TBC1D12: variants seen among roughly 807,000 people sequenced by gnomAD.
TBC1D12 encodes the protein TBC1 domain family, member 12.
TBC1D12 carries 56 observed loss-of-function variants against 86.7 expected under a neutral mutation model. The observed-to-expected ratio is 0.65, with a 90% CI of 0.52 to 0.81. TBC1D12 has a LOEUF of 0.81. Ranked by LOEUF, TBC1D12 falls within the 30% of genes least tolerant of loss-of-function variation. TBC1D12 has a pLI of 0.00. For synonymous variants in TBC1D12, 421 were observed against 411.7 expected, an observed-to-expected ratio of 1.02 and a Z score of -0.27; for missense variants, 1,023 against 1,038.8, an observed-to-expected ratio of 0.98 and a Z score of 0.21.
intron 9 of TBC1D12, among the ~76,000 whole-genome samples, chr10:94,520,201 A>G (rs1397400696): frequency 1.3e-5 from 2 of 152,212 alleles, no homozygotes; most frequent in Non-Finnish European, 2.9e-5. Flanking sequence ...GGCAAGAGAA[A>G]TCTCAAAATA....
At chr10:94,508,696 T>C (rs1258464817) in intron 7 of TBC1D12, 1 of 152,162 alleles carries the variant, frequency 6.6e-6, no homozygotes, top group Non-Finnish European at 1.5e-5. Context: ...ATTTTCTTTT[T>C]AAAATTTATT....
chr10:94,529,811 A>T (rs561035683), intron 11 of TBC1D12, among the ~76,000 whole-genome samples: 8 of 152,140 alleles, frequency 5.3e-5, no homozygotes, highest in Non-Finnish European at 8.8e-5. Context: ...AGCATGGGGG[A>T]TAGCAGGATC....
At chr10:94,477,721 C>G (rs892790593) in intron 3 of TBC1D12, among the ~76,000 whole-genome samples, 3 of 152,102 alleles carry the variant, frequency 2.0e-5, no homozygotes, top group Non-Finnish European at 4.4e-5. Context: ...GCCACTACTT[C>G]GACTATGAGG....
intron 2 of TBC1D12, among the ~76,000 whole-genome samples, chr10:94,454,347 G>C (rs528572403): frequency 8.9e-4 from 136 of 152,254 alleles, no homozygotes; most frequent in African/African-American, 2.6e-3. Context: ...GAGTAGCTGG[G>C]ATTATAGGCA....
At chr10:94,530,344 T>A (rs1436260389) in intron 11 of TBC1D12, among the ~76,000 whole-genome samples, 1 of 152,034 alleles carries the variant, frequency 6.6e-6, no homozygotes, top group Non-Finnish European at 1.5e-5. Context: ...AAGGTATACA[T>A]GCTTCAAAAG....
intron 4 of TBC1D12, 24 bp from the exon 5 acceptor site, chr10:94,497,031 A>G: frequency 7.0e-7 from 1 of 1,434,176 alleles, no homozygotes; most frequent in Middle Eastern, 1.9e-4. Flanking sequence ...TTGTATTGAA[A>G]TAATTTTTAC....
Position 94,534,681 on chromosome 10 carries a change from T to G in TBC1D12, c.*1585T>G, listed in dbSNP as rs184901463. On this transcript the variant is annotated 3_prime_UTR_variant, in exon 13 of 13. Coordinates refer to ENST00000225235, the MANE Select transcript of TBC1D12 (RefSeq NM_015188.2). Reference sequence around the variant, plus strand: ...GATATGAACTTAAATTAAATTGACTTATGAATGCTTTGCCTGTGGGCCCAA... The same window carrying G: ...GATATGAACTTAAATTAAATTGACTGATGAATGCTTTGCCTGTGGGCCCAA... 1 of 152,302 alleles carries G rather than the reference T, an allele frequency of 6.6e-6. No individual in the cohort carries two copies. Among genetic ancestry groups the G allele is most frequent in the East Asian group, 1.9e-4 (1 of 5,186 alleles). 9.4% of individuals were successfully genotyped at this position (152,302 alleles called of 1,614,324 possible).
intron 3 of TBC1D12, among the ~76,000 whole-genome samples, chr10:94,476,846 A>G (rs1324712774): frequency 6.6e-6 from 1 of 152,114 alleles, no homozygotes; most frequent in Non-Finnish European, 1.5e-5. Flanking sequence ...CTCTCTTGGA[A>G]GGCTTTTATC....
intron 11 of TBC1D12, 51 bp from the exon 12 acceptor site, chr10:94,531,151 A>G (rs1212085032): frequency 6.4e-7 from 1 of 1,573,854 alleles, no homozygotes; most frequent in Non-Finnish European, 8.6e-7. Context: ...TACTGAGTAA[A>G]TGAGTCAATG....
At chr10:94,409,209 C>T (rs1003449644) in intron 1 of TBC1D12, among the ~76,000 whole-genome samples, 12 of 152,040 alleles carry the variant, frequency 7.9e-5, no homozygotes, top group Middle Eastern at 3.2e-3. Flanking sequence ...AGCATTGGTT[C>T]AGGACTTCAA....
chr10:94,428,282 CTTTTT>C (rs894535771), intron 1 of TBC1D12, among the ~76,000 whole-genome samples: 9 of 99,924 alleles, frequency 9.0e-5, no homozygotes, highest in African/African-American at 3.0e-4. Flanking sequence ...TTTGGAACTT[CTTTTT>C]TTTTTTTTTT....
intron 2 of TBC1D12, among the ~76,000 whole-genome samples, chr10:94,451,193 A>G (rs1377193971): frequency 6.6e-6 from 1 of 152,246 alleles, no homozygotes. Context: ...AATATTCCCA[A>G]CACAAAGAAA....
In TBC1D12 at chr10:94,522,467, TACGTA is replaced by T; in HGVS notation, c.2000+16_2000+20del. 1.0e-6 allele frequency: 1 copy of T among 999,416 alleles called. No individual in the cohort carries two copies. Among genetic ancestry groups the T allele is most frequent in the Non-Finnish European group, 1.5e-6 (1 of 682,818 alleles). 61.9% of individuals were successfully genotyped at this position (999,416 alleles called of 1,614,324 possible). A position where few individuals can be genotyped will look rare whatever the true frequency, so the allele number is the denominator to read the frequency against. ...CTTGATAGACTGGTAAGTCATAACA[TACGTA>T]ATATATAATAATGAAAAGGAAATAA... On this transcript the variant is annotated intron_variant, in intron 11 of 12. Coordinates refer to ENST00000225235, the MANE Select transcript of TBC1D12 (RefSeq NM_015188.2).
intron 1 of TBC1D12, among the ~76,000 whole-genome samples, chr10:94,414,600 C>CT (rs71031575): frequency 0.64 from 86,586 of 134,918 alleles, 28,233 homozygotes; most frequent in East Asian, 0.82. Context: ...TACTGTGAAA[C>CT]TTTTTTTTTT....
At chr10:94,507,689 C>T (rs1429614287) in intron 7 of TBC1D12, among the ~76,000 whole-genome samples, 1 of 151,818 alleles carries the variant, frequency 6.6e-6, no homozygotes. Flanking sequence ...AATATTTTTT[C>T]AATAATAAAT....
intron 3 of TBC1D12, among the ~76,000 whole-genome samples, chr10:94,492,669 A>G (rs1402059285): frequency 1.3e-5 from 2 of 152,216 alleles, no homozygotes; most frequent in Admixed American, 1.3e-4. Context: ...AAACAAAAAA[A>G]GCCAGACACA....
chr10:94,410,536 C>T (rs1376051886), intron 1 of TBC1D12, among the ~76,000 whole-genome samples: 1 of 152,176 alleles, frequency 6.6e-6, no homozygotes, highest in Non-Finnish European at 1.5e-5. Context: ...CCATCGTGCC[C>T]AGCCACAGTT....
intron 1 of TBC1D12, among the ~76,000 whole-genome samples, chr10:94,419,682 A>G (rs1178269483): frequency 1.3e-5 from 2 of 152,164 alleles, no homozygotes; most frequent in Non-Finnish European, 2.9e-5. Context: ...GAAAAAAAAG[A>G]CAAACTTAGA....
Position 94,534,250 on chromosome 10 carries a change from G to C in TBC1D12, c.*1154G>C, listed in dbSNP as rs1165876490. On this transcript the variant is annotated 3_prime_UTR_variant, in exon 13 of 13. Coordinates refer to ENST00000225235, the MANE Select transcript of TBC1D12 (RefSeq NM_015188.2). The stretch of plus-strand genomic sequence containing the variant: ...CAGTGCCATCTTAATCTCTTCACAT[G>C]GTACACTAAATGCTGCCTATAACCC... 1.3e-5 allele frequency: 2 copies of C among 152,008 alleles called. No individual in the cohort carries two copies. Among genetic ancestry groups the C allele is most frequent in the African/African-American group, 2.4e-5 (1 of 41,386 alleles). 9.4% of individuals were successfully genotyped at this position (152,008 alleles called of 1,614,324 possible).
Sources: gnomAD v4.1 joint callset for allele counts (sites outside exome capture counted in the v4.1 genomes callset) on GRCh38, gnomAD v4.1.1 for gene constraint, MANE v1.5 for transcripts, NCBI Gene and HGNC (gene_info 2026-07-23, HGNC 2026-07-21) for gene names.